Variants in CACNA1E observed in about 807,000 individuals in gnomAD.
CACNA1E encodes the protein voltage-dependent R-type calcium channel subunit alpha-1E.
A neutral mutation model predicts 259.2 loss-of-function variants in CACNA1E; 40 were observed. The observed-to-expected ratio is 0.15, with a 90% CI of 0.12 to 0.20. The LOEUF (loss-of-function observed/expected upper bound fraction) is 0.20, where lower values mean the gene tolerates loss of function less well. Among genes scored for constraint, CACNA1E ranks in the 10% least tolerant of loss-of-function variants. The pLI, the probability that CACNA1E is intolerant of heterozygous loss-of-function variation, is 1.00. For synonymous variants in CACNA1E, 1,104 were observed against 1,138.5 expected (o/e 0.97, Z 0.61); for missense variants, 1,874 against 3,040.1 (o/e 0.62, Z 9.02).
chr1:181,715,200 G>A, intron 8 of CACNA1E, 138 bp from the exon 9 acceptor site: 1 of 625,212 alleles, frequency 1.6e-6, no homozygotes, highest in East Asian at 2.8e-5. Flanking sequence ...CTTTCTTTCT[G>A]ATGCTGGTGC....
At chr1:181,720,180 G>A (rs1654294036) in intron 13 of CACNA1E, 26 bp from the exon 14 acceptor site, 1 of 1,613,592 alleles carries the variant, frequency 6.2e-7, no homozygotes, top group Admixed American at 1.7e-5. Context: ...AGTGTTCACA[G>A]CTGTCACATT....
intron 1 of CACNA1E, among the ~76,000 whole-genome samples, chr1:181,388,730 A>C (rs189311120): frequency 2.0e-5 from 3 of 152,314 alleles, no homozygotes; most frequent in African/African-American, 7.2e-5. Flanking sequence ...CTTTACCAAA[A>C]AAAATATAAA....
chr1:181,791,281 G>A (rs573345172), intron 44 of CACNA1E, among the ~76,000 whole-genome samples: 1 of 152,104 alleles, frequency 6.6e-6, no homozygotes, highest in Admixed American at 6.5e-5. Context: ...ACCATCCTGG[G>A]TAACACGGTG....
intron 22 of CACNA1E, among the ~76,000 whole-genome samples, chr1:181,736,767 A>G (rs555049192): frequency 6.6e-6 from 1 of 152,352 alleles, no homozygotes; most frequent in South Asian, 2.1e-4. Context: ...GCCACCAAAT[A>G]TTCCAGAAGT....
intron 25 of CACNA1E, among the ~76,000 whole-genome samples, chr1:181,750,104 G>A (rs1657459678): frequency 6.6e-6 from 1 of 152,264 alleles, no homozygotes; most frequent in African/African-American, 2.4e-5. Flanking sequence ...AGACTGCATA[G>A]GAAATGAAAG....
chr1:181,574,908 C>T (rs1165118891), intron 3 of CACNA1E, among the ~76,000 whole-genome samples: 3 of 152,044 alleles, frequency 2.0e-5, no homozygotes, highest in African/African-American at 7.2e-5. Context: ...GCCTGTAATC[C>T]CAGCTACTCG....
chr1:181,620,962 A>T (rs1655669126), intron 6 of CACNA1E, among the ~76,000 whole-genome samples: 1 of 152,194 alleles, frequency 6.6e-6, no homozygotes. Context: ...TGGCCCCAAG[A>T]TGGAAAGACA....
intron 2 of CACNA1E, among the ~76,000 whole-genome samples, chr1:181,427,429 C>A (rs541594060): frequency 1.4e-5 from 2 of 147,132 alleles, no homozygotes; most frequent in East Asian, 4.2e-4. Flanking sequence ...ACCTCAACTT[C>A]TCCCTCATCT....
intron 1 of CACNA1E, among the ~76,000 whole-genome samples, chr1:181,364,464 A>G (rs973934489): frequency 6.6e-6 from 1 of 152,208 alleles, no homozygotes; most frequent in Admixed American, 6.5e-5. Context: ...TGTACAATGA[A>G]TCACTGTGAT....
At chr1:181,521,042 C>G (rs1182946805) in intron 3 of CACNA1E, among the ~76,000 whole-genome samples, 3 of 152,218 alleles carry the variant, frequency 2.0e-5, no homozygotes, top group Non-Finnish European at 2.9e-5. Flanking sequence ...CTTCTTCCCT[C>G]TTGTCTTTCA....
At chr1:181,780,419 G>T (rs540351345) in intron 38 of CACNA1E, among the ~76,000 whole-genome samples, 1 of 152,204 alleles carries the variant, frequency 6.6e-6, no homozygotes, top group Non-Finnish European at 1.5e-5. Flanking sequence ...GGCCAAGCCT[G>T]CTAGGTAAGG....
At chr1:181,398,698 C>T (rs1656872160) in intron 1 of CACNA1E, among the ~76,000 whole-genome samples, 1 of 152,180 alleles carries the variant, frequency 6.6e-6, no homozygotes, top group South Asian at 2.1e-4. Context: ...GCTCTGTCAC[C>T]CCCACCCAAC....
At chr1:181,722,058 T>C (rs1433536276) in intron 16 of CACNA1E, among the ~76,000 whole-genome samples, 183 bp downstream of exon 16, 1 of 152,138 alleles carries the variant, frequency 6.6e-6, no homozygotes, top group Non-Finnish European at 1.5e-5. Flanking sequence ...GGGTAAAGAA[T>C]ACAAACGTAA....
rs1176974204 is a variant in CACNA1E, at chr1:181,781,443, A to G, written c.5284A>G (p.Thr1762Ala). 1.3e-6 allele frequency: 2 copies of G among 1,585,744 alleles called. No homozygotes were observed. Among genetic ancestry groups the G allele is most frequent in the African/African-American group, 2.7e-5 (2 of 74,214 alleles). The stretch of plus-strand genomic sequence containing the variant: ...CATGAGCAGTGGCCGCATCCATTAC[A>G]CTGAGATGTATGAAATGCTGACTCT... ...DRAACGRIHY[T>A]EMYEMLTLMS... is the part of the protein sequence containing the mutation. The change falls in exon 39 of 48, where the codon ACT (threonine) becomes GCT (alanine). Residue 1762 changes from threonine to alanine, a missense_variant. Thr to Ala is a moderately conservative substitution (Grantham distance 58). Coordinates refer to ENST00000367573, the MANE Select transcript of CACNA1E (RefSeq NM_001205293.3).
intron 1 of CACNA1E, among the ~76,000 whole-genome samples, chr1:181,341,413 T>A (rs537176564): frequency 6.6e-6 from 1 of 152,314 alleles, no homozygotes; most frequent in East Asian, 1.9e-4. Context: ...CTTGATTTCT[T>A]AGAGAATAAT....
chr1:181,678,523 A>C (rs1181485389), intron 7 of CACNA1E, among the ~76,000 whole-genome samples: 2 of 152,332 alleles, frequency 1.3e-5, no homozygotes, highest in Non-Finnish European at 2.9e-5. Flanking sequence ...TCTATCTAAC[A>C]TGTATGTATC....
At chr1:181,474,534 C>T (rs761655387) in intron 2 of CACNA1E, among the ~76,000 whole-genome samples, 23 of 151,666 alleles carry the variant, frequency 1.5e-4, no homozygotes, top group Non-Finnish European at 2.5e-4. Flanking sequence ...GCTGGCAGAA[C>T]GTGAGATCAC....
chr1:181,724,686 A>G (rs1310227088), intron 17 of CACNA1E, 149 bp downstream of exon 17: 2 of 640,216 alleles, frequency 3.1e-6, no homozygotes, highest in African/African-American at 1.8e-5. Flanking sequence ...GGAGAGCCAC[A>G]CACCCATGAC....
chr1:181,567,989 A>G (rs1650019508), intron 3 of CACNA1E, among the ~76,000 whole-genome samples: 1 of 152,110 alleles, frequency 6.6e-6, no homozygotes, highest in African/African-American at 2.4e-5. Context: ...CTGGCTTGTG[A>G]TGTAAAATAC....
Sources: allele counts gnomAD v4.1 joint callset (sites outside exome capture counted in the v4.1 genomes callset), GRCh38; gene constraint gnomAD v4.1.1; transcripts MANE v1.5; gene names NCBI Gene and HGNC (gene_info 2026-07-23, HGNC 2026-07-21).